TRMT9B: variants seen among roughly 807,000 people sequenced by gnomAD.
TRMT9B encodes the protein probable tRNA methyltransferase 9B.
A neutral mutation model predicts 11.5 loss-of-function variants in TRMT9B; 16 were observed. That is an observed-to-expected ratio of 1.39 (90% CI 0.94 to 2.11). The LOEUF is 2.11. Ranked by LOEUF, TRMT9B falls within the 30% of genes most tolerant of loss-of-function variation. The probability of loss-of-function intolerance (pLI) is 0.00; values close to 1 mark genes in which losing one functional copy is unlikely to be tolerated. For synonymous variants in TRMT9B, 274 were observed against 192.4 expected (o/e 1.42, Z -3.51); for missense variants, 941 against 553.8 (o/e 1.70, Z -7.02).
At chr8:13,012,267 T>C (rs887052878) in intron 3 of TRMT9B, 2 of 988,310 alleles carry the variant, frequency 2.0e-6, no homozygotes, top group African/African-American at 3.5e-5. Flanking sequence ...GTATTCTGTC[T>C]TGGTTAGTTA....
At chr8:12,952,752 T>G (rs1236904793) in intron 1 of TRMT9B, 3 of 921,304 alleles carry the variant, frequency 3.3e-6, no homozygotes, top group Non-Finnish European at 3.9e-6. Context: ...TTTTTTTTGT[T>G]GTTGTTTGAC....
chr8:12,997,978 T>C (rs1412449210), intron 2 of TRMT9B, among the ~76,000 whole-genome samples: 1 of 152,182 alleles, frequency 6.6e-6, no homozygotes, highest in African/African-American at 2.4e-5. Flanking sequence ...GTGGCTTAAA[T>C]TTGCGGTTCC....
chr8:13,000,030 A>G (rs962519414), intron 2 of TRMT9B, among the ~76,000 whole-genome samples: 1 of 152,206 alleles, frequency 6.6e-6, no homozygotes, highest in Non-Finnish European at 1.5e-5. Flanking sequence ...TCTACAGTTC[A>G]TATGATGAAC....
intron 1 of TRMT9B, among the ~76,000 whole-genome samples, chr8:12,959,516 C>CTCTTTTTTTTTTTTTTTTTT (rs757156112): frequency 1.3e-5 from 1 of 74,896 alleles, no homozygotes; most frequent in African/African-American, 5.0e-5. Flanking sequence ...TTTTTCCTTC[C>CTCTTTTTTTTTTTTTTTTTT]TTTTTTTTTT....
intron 1 of TRMT9B, chr8:12,962,028 C>G (rs1483248323): frequency 6.6e-6 from 1 of 152,258 alleles, no homozygotes; most frequent in African/African-American, 2.4e-5. Context: ...CAGAGAATGC[C>G]AGCCCTGAAG....
Position 13,019,778 on chromosome 8 carries a change from C to T in TRMT9B, c.329-1230C>T, listed in dbSNP as rs78318971. ...CTTTTCGGGAGTGGGTGGCAGCAGTCTGAGGCCAGGAGGGTAGAGTGATTG... is the reference window on the plus strand; with the variant it reads ...CTTTTCGGGAGTGGGTGGCAGCAGTTTGAGGCCAGGAGGGTAGAGTGATTG... On this transcript the variant is annotated intron_variant, in intron 4 of 4. Coordinates refer to ENST00000524591, the MANE Select transcript of TRMT9B (RefSeq NM_020844.3). Among the ~76,000 whole-genome samples, 530 of 152,306 alleles carry T rather than the reference C, an allele frequency of 3.5e-3. 4 individuals are homozygous for T. The highest frequency in any genetic ancestry group is 0.012 in the African/African-American group (508 of 41,570).
intron 2 of TRMT9B, among the ~76,000 whole-genome samples, chr8:12,996,405 A>G (rs888138933): frequency 2.6e-5 from 4 of 152,218 alleles, no homozygotes; most frequent in Non-Finnish European, 1.5e-5. Flanking sequence ...ATTAGACATT[A>G]TCTCATTTAA....
intron 4 of TRMT9B, among the ~76,000 whole-genome samples, chr8:13,015,630 A>T (rs1370739672): frequency 1.3e-5 from 2 of 152,192 alleles, no homozygotes; most frequent in Admixed American, 6.5e-5. Flanking sequence ...TTGTGATTAC[A>T]GGCATGAACT....
chr8:12,948,039 T>C (rs911424032), intron 1 of TRMT9B, among the ~76,000 whole-genome samples: 1 of 152,188 alleles, frequency 6.6e-6, no homozygotes, highest in Non-Finnish European at 1.5e-5. Context: ...AATAATATTA[T>C]ATAGTACTGT....
intron 1 of TRMT9B, among the ~76,000 whole-genome samples, chr8:12,968,275 G>C (rs1803101603): frequency 1.3e-5 from 2 of 152,174 alleles, no homozygotes; most frequent in South Asian, 2.1e-4. Flanking sequence ...TGACTTTCTG[G>C]GCATGTGGCC....
Position 13,021,030 on chromosome 8 carries a change from A to T in TRMT9B, c.351A>T (p.Lys117Asn). The T allele has an allele frequency of 6.4e-7, 1 of 1,558,660 alleles. No homozygotes were observed. The highest frequency in any genetic ancestry group is 8.7e-7 in the Non-Finnish European group (1 of 1,153,788). ...CAGTCATACATCATTTTTCTACAAA[A>T]CAAAGAAGAATCAGAGCAATAAAAG... The part of the protein sequence containing the change: ...SIGVIHHFST[K>N]QRRIRAIKEM... Residue 117 changes from lysine (K) to asparagine (N), a missense_variant, in exon 5 of 5, where the codon AAA (lysine) becomes AAT (asparagine). Physicochemically the swap from Lys to Asn is moderately conservative, Grantham distance 94 (BLOSUM62 0). Coordinates refer to ENST00000524591, the MANE Select transcript of TRMT9B (RefSeq NM_020844.3).
rs781257550 is a variant in TRMT9B at position 13,021,857 on chromosome 8, T to G, written c.1178T>G (p.Met393Arg). 1 of 1,613,890 alleles carries G rather than the reference T, an allele frequency of 6.2e-7. No homozygotes were observed. Among genetic ancestry groups the G allele is most frequent in the Non-Finnish European group, 8.5e-7 (1 of 1,179,852 alleles). ...DSTDFNPDDT[M>R]SVEDPQTDVL... ...ACAGATTTCAACCCAGATGATACAA[T>G]GTCTGTCGAAGATCCACAGACTGAT... Residue 393 changes from methionine (M) to arginine (R), a missense_variant, in exon 5 of 5, where the codon ATG (methionine) becomes AGG (arginine). Transcript: ENST00000524591.
rs1814946957 is a variant in TRMT9B, at chr8:13,028,332, G to A, written c.*6288G>A. 2 of 166,980 alleles carry A rather than the reference G, an allele frequency of 1.2e-5. No individual in the cohort carries two copies. Among genetic ancestry groups the A allele is most frequent in the South Asian group, 2.1e-4 (1 of 4,820 alleles). The allele number at this position is 166,980 out of a possible 1,614,324, so 10.3% of individuals were successfully genotyped here. A position where few individuals can be genotyped will look rare whatever the true frequency, so the allele number is the denominator to read the frequency against. On this transcript the variant is annotated 3_prime_UTR_variant, in exon 5 of 5. Coordinates refer to ENST00000524591, the MANE Select transcript of TRMT9B (RefSeq NM_020844.3). ...CTTCATTTGACAAATAAATACTAGA[G>A]CTGCAGAAAGTAAAGTTTACTCCAA... is the stretch of plus-strand genomic sequence containing the variant.
intron 4 of TRMT9B, among the ~76,000 whole-genome samples, chr8:13,016,184 TAAATGTGAA>T (rs1812637112): frequency 6.8e-6 from 1 of 146,218 alleles, no homozygotes; most frequent in African/African-American, 2.5e-5. Flanking sequence ...TATATAAATA[TAAATGTGAA>T]ATATATATTT....
intron 2 of TRMT9B, among the ~76,000 whole-genome samples, chr8:13,003,968 G>C (rs1809941821): frequency 6.6e-6 from 1 of 151,854 alleles, no homozygotes; most frequent in South Asian, 2.1e-4. Flanking sequence ...GCAGCCATGT[G>C]CATGCAGAGA....
rs665953 is a variant in TRMT9B at position 13,026,626 on chromosome 8, C to T, written c.*4582C>T. 6.0e-6 allele frequency: 1 copy of T among 167,174 alleles called. No individual in the cohort carries two copies. Among genetic ancestry groups the T allele is most frequent in the Non-Finnish European group, 1.5e-5 (1 of 68,160 alleles). The allele number at this position is 167,174 out of a possible 1,614,324, so 10.4% of individuals were successfully genotyped here. On this transcript the variant is annotated 3_prime_UTR_variant, in exon 5 of 5. Transcript: ENST00000524591. Reference sequence around the variant, plus strand: ...TCCTCACCACAGCCCTCCAAGATAACTATACTTATTGTTCCCATTTTGCAG... The same window carrying T: ...TCCTCACCACAGCCCTCCAAGATAATTATACTTATTGTTCCCATTTTGCAG...
intron 1 of TRMT9B, among the ~76,000 whole-genome samples, chr8:12,959,588 T>C (rs1801803542): frequency 7.5e-6 from 1 of 133,494 alleles, no homozygotes; most frequent in South Asian, 2.5e-4. Flanking sequence ...GGCACCATCA[T>C]GGCTCATTGG....
In TRMT9B at chr8:12,948,252, A is replaced by C. The variant is rs7001092; in HGVS notation, c.-200+2286A>C. On this transcript the variant is annotated intron_variant, in intron 1 of 4. Coordinates refer to ENST00000524591, the MANE Select transcript of TRMT9B (RefSeq NM_020844.3). Reference sequence around the variant, plus strand: ...AGCCTATTTTATAATAAAGTGTTGAATATCTCATGTAATTTATTGAATCCT... The same window carrying C: ...AGCCTATTTTATAATAAAGTGTTGACTATCTCATGTAATTTATTGAATCCT... 8.1e-3 allele frequency among the ~76,000 whole-genome samples: 1,235 copies of C among 152,120 alleles called. 11 individuals are homozygous for C. Among genetic ancestry groups the C allele is most frequent in the African/African-American group, 0.028 (1,177 of 41,520 alleles).
intron 2 of TRMT9B, among the ~76,000 whole-genome samples, chr8:13,003,049 G>A (rs1033481482): frequency 1.3e-5 from 2 of 151,972 alleles, no homozygotes; most frequent in African/African-American, 4.8e-5. Context: ...ATTTGCTGGG[G>A]GTCTGCTGTG....
Sources: allele counts gnomAD v4.1 joint callset (sites outside exome capture counted in the v4.1 genomes callset), GRCh38; gene constraint gnomAD v4.1.1; transcripts MANE v1.5; gene names NCBI Gene and HGNC (gene_info 2026-07-23, HGNC 2026-07-21).